Variants in CDK5RAP3 observed in about 807,000 individuals in gnomAD.
The protein encoded by CDK5RAP3 is CDK5 regulatory subunit-associated protein 3.
Under a neutral mutation model 73.3 loss-of-function variants are expected in CDK5RAP3, and 58 were observed. The ratio of observed to expected loss-of-function variants is 0.79; its 90% CI spans 0.64 to 0.98. The LOEUF (loss-of-function observed/expected upper bound fraction) is 0.98, where lower values mean the gene tolerates loss of function less well. Among genes scored for constraint, CDK5RAP3 ranks in the 50% least tolerant of loss-of-function variants. The probability of loss-of-function intolerance (pLI) is 0.00; values close to 1 mark genes in which losing one functional copy is unlikely to be tolerated. For synonymous variants in CDK5RAP3, 224 were observed against 247.5 expected (o/e 0.91, Z 0.89); for missense variants, 525 against 615.8 (o/e 0.85, Z 1.56).
rs370461002 is a variant in CDK5RAP3 at position 47,975,146 on chromosome 17, G to C, written c.335-13G>C. 5.0e-6 allele frequency: 8 copies of C among 1,613,936 alleles called. No individual in the cohort carries two copies. The highest frequency in any genetic ancestry group is 3.3e-5 in the Admixed American group (2 of 60,004). ...GGGGGTGTCCTGGGCTGAATTTCCT[G>C]GGCACTTCTCAGTGGAACTCTCTAG... On this transcript the variant is annotated splice_polypyrimidine_tract_variant and intron_variant, in intron 5 of 13. Coordinates refer to ENST00000338399, the MANE Select transcript of CDK5RAP3 (RefSeq NM_176096.3).
At chr17:47,974,297 T>A in intron 4 of CDK5RAP3, 103 bp from the exon 5 acceptor site, 1 of 1,016,478 alleles carries the variant, frequency 9.8e-7, no homozygotes, top group Non-Finnish European at 1.6e-6. Flanking sequence ...TTGTGTTTGA[T>A]GTGATGTAAA....
chr17:47,981,358 C>A lies in CDK5RAP3; in HGVS notation c.1455+24C>A, dbSNP rs374737748. The A allele has an allele frequency of 4.3e-6, 7 of 1,613,576 alleles. No individual in the cohort carries two copies. The African/African-American group carries it at 8.0e-5, about 18-fold the overall frequency. ...TGGTGAGATGGGAAAGGGAGGCCTG[C>A]CAGTGGGAGGACTCCCAGTCTGTGC... On this transcript the variant is annotated intron_variant, in intron 13 of 13. Transcript: ENST00000338399.
At position 47,981,240 on chromosome 17, in the gene CDK5RAP3, T is replaced by C; in HGVS notation, c.1361T>C (p.Met454Thr). The change falls in exon 13 of 14, where the codon ATG (methionine) becomes ACG (threonine). Residue 454 changes from methionine to threonine, a missense_variant. By Grantham distance (81) the Met-to-Thr change is moderately conservative. Coordinates refer to ENST00000338399, the MANE Select transcript of CDK5RAP3 (RefSeq NM_176096.3). ...SQLLALKKEL[M>T]VQKQQEALEE... ...CTGCTGGCTTTGAAGAAAGAGCTGATGGTGCAGAAGCAGCAGGAGGCACTT... is the reference window on the plus strand; with the variant it reads ...CTGCTGGCTTTGAAGAAAGAGCTGACGGTGCAGAAGCAGCAGGAGGCACTT... The C allele has an allele frequency of 6.2e-7, 1 of 1,614,208 alleles. No individual in the cohort carries two copies. Among genetic ancestry groups the C allele is most frequent in the Non-Finnish European group, 8.5e-7 (1 of 1,180,028 alleles).
chr17:47,976,694 C>G lies in CDK5RAP3; in HGVS notation c.799-18C>G. ...TAAATCCATCTTCCATGAGCTAACA[C>G]TCTCTTTCCCTTTCCAGATTGACTG... On this transcript the variant is annotated intron_variant, in intron 8 of 13. Transcript: ENST00000338399. 1.3e-6 allele frequency: 2 copies of G among 1,552,080 alleles called. No homozygotes were observed. The highest frequency in any genetic ancestry group is 1.8e-6 in the Non-Finnish European group (2 of 1,125,638).
chr17:47,975,376 G>A (rs1255281693), intron 6 of CDK5RAP3, 39 bp downstream of exon 6: 1 of 1,607,314 alleles, frequency 6.2e-7, no homozygotes, highest in Non-Finnish European at 8.5e-7. Flanking sequence ...GAGGACACCT[G>A]GGCCCCTGCT....
At chr17:47,976,295 A>C (rs2036410370) in intron 8 of CDK5RAP3, among the ~76,000 whole-genome samples, 1 of 152,168 alleles carries the variant, frequency 6.6e-6, no homozygotes, top group African/African-American at 2.4e-5. Flanking sequence ...AGGCCACTGC[A>C]TTTGAACAGT....
At chr17:47,976,576 C>T (rs1274369051) in intron 8 of CDK5RAP3, 136 bp from the exon 9 acceptor site, 1 of 613,324 alleles carries the variant, frequency 1.6e-6, no homozygotes. Flanking sequence ...ATTGCCCAGG[C>T]TGGTCTCAAA....
At chr17:47,981,376 G>A (rs1031082416) in intron 13 of CDK5RAP3, 42 bp downstream of exon 13, 2 of 1,614,154 alleles carry the variant, frequency 1.2e-6, no homozygotes, top group Non-Finnish European at 1.7e-6. Flanking sequence ...AGGACTCCCA[G>A]TCTGTGCAAA....
intron 3 of CDK5RAP3, 88 bp from the exon 4 acceptor site, chr17:47,973,843 T>C: frequency 8.4e-7 from 1 of 1,196,502 alleles, no homozygotes; most frequent in Non-Finnish European, 1.2e-6. Context: ...TTACTGGCAG[T>C]ATATTATACA....
Position 47,980,719 on chromosome 17 carries a change from G to A in CDK5RAP3, c.1204G>A (p.Val402Met). 6.2e-7 allele frequency: 1 copy of A among 1,614,202 alleles called. No individual in the cohort carries two copies. Residue 402 changes from valine (V) to methionine (M), a missense_variant, in exon 12 of 14, where the codon GTG (valine) becomes ATG (methionine). Physicochemically the swap from Val to Met is conservative, Grantham distance 21. This residue lies in a region of CDK5RAP3 where 116 missense variants were observed against 186.1 expected (regional missense o/e 0.62). Coordinates refer to ENST00000338399, the MANE Select transcript of CDK5RAP3 (RefSeq NM_176096.3). ...GACCAAAGAGAAGATGGTTACCATG[G>A]TGTCAGTGCTGGAGGATCTGATTGG... ...GQTKEKMVTMVSVLEDLIGKL... is the reference protein window; with the variant it reads ...GQTKEKMVTMMSVLEDLIGKL...
intron 8 of CDK5RAP3, chr17:47,976,454 G>A: frequency 2.5e-6 from 1 of 403,898 alleles, no homozygotes; most frequent in East Asian, 5.8e-5. Context: ...CTGCCTCTCA[G>A]CCTCAAGCGA....
intron 5 of CDK5RAP3, chr17:47,974,936 A>G (rs893828834): frequency 5.2e-5 from 74 of 1,416,122 alleles, no homozygotes; most frequent in Non-Finnish European, 6.7e-5. Context: ...TGTCATGTGG[A>G]TTCTCTCTTG....
intron 2 of CDK5RAP3, among the ~76,000 whole-genome samples, chr17:47,972,705 G>C (rs565345218): frequency 2.0e-4 from 30 of 151,966 alleles, no homozygotes; most frequent in Admixed American, 1.8e-3. Flanking sequence ...TTAGGCACTT[G>C]ACATGATAAA....
chr17:47,970,984 A>G, upstream of CDK5RAP3: 2 of 1,469,904 alleles, frequency 1.4e-6, no homozygotes, highest in Non-Finnish European at 1.8e-6. Flanking sequence ...GCGGGGCTTG[A>G]GGCCTGAGTG....
chr17:47,976,553 A>G, intron 8 of CDK5RAP3, 159 bp from the exon 9 acceptor site: 1 of 547,830 alleles, frequency 1.8e-6, no homozygotes, highest in Non-Finnish European at 3.3e-6. Flanking sequence ...TTGTAGGGAC[A>G]GGATTTTGCC....
rs1034238223 is a variant in CDK5RAP3 at position 47,973,740 on chromosome 17, G to A, written c.184+90G>A. 6 of 1,548,042 alleles carry A rather than the reference G, an allele frequency of 3.9e-6. No individual in the cohort carries two copies. In the African/African-American group the frequency reaches 8.2e-5, roughly 21 times the overall value. ...ACTCTCTTGTTATTTAGCCACCAGG[G>A]CTGGCCTTTAGAGAGGGAGCGATTT... On this transcript the variant is annotated intron_variant, in intron 3 of 13. Transcript: ENST00000338399.
upstream of CDK5RAP3, chr17:47,970,747 C>T (rs549359578): frequency 3.3e-6 from 5 of 1,529,048 alleles, no homozygotes; most frequent in African/African-American, 1.4e-5. Flanking sequence ...CCTCCCAGAT[C>T]GGCGCTAGGA....
Position 47,971,300 on chromosome 17 carries a change from C to G in CDK5RAP3, c.7-62C>G, listed in dbSNP as rs373306672. On this transcript the variant is annotated intron_variant, in intron 1 of 13. Transcript: ENST00000338399. ...GTGGTGGTTGGGACGTTGAAATGAGCGCGCGAGTGGTACGTCCTCTCTCCG... is the reference window on the plus strand; with the variant it reads ...GTGGTGGTTGGGACGTTGAAATGAGGGCGCGAGTGGTACGTCCTCTCTCCG... 5.7e-6 allele frequency: 9 copies of G among 1,567,720 alleles called. No individual in the cohort carries two copies. The South Asian group carries it at 1.0e-4, about 18-fold the overall frequency.
chr17:47,970,761 C>T, upstream of CDK5RAP3: 3 of 1,509,132 alleles, frequency 2.0e-6, no homozygotes, highest in East Asian at 4.9e-5. Flanking sequence ...GCTAGGACCC[C>T]GCCAGCAGAC....
Sources: gnomAD v4.1 joint callset for allele counts (sites outside exome capture counted in the v4.1 genomes callset) on GRCh38, gnomAD v4.1.1 for gene constraint, gnomAD v4.1.1 regional missense constraint, MANE v1.5 for transcripts, NCBI Gene and HGNC (gene_info 2026-07-23, HGNC 2026-07-21) for gene names.